CTNNA3: variants seen among roughly 807,000 people sequenced by gnomAD.
The protein encoded by CTNNA3 is catenin alpha 3, also known as catenin alpha-3.
CTNNA3 carries 76 observed loss-of-function variants against 95.7 expected under a neutral mutation model. That is an observed-to-expected ratio of 0.79 (90% CI 0.66 to 0.96). The LOEUF (loss-of-function observed/expected upper bound fraction) is 0.96, where lower values mean the gene tolerates loss of function less well. CTNNA3 is among the 40% of genes least tolerant of loss of function. The pLI is 0.00. For synonymous variants in CTNNA3, 431 were observed against 374.4 expected (o/e 1.15, Z -1.74); for missense variants, 1,191 against 1,089.8 (o/e 1.09, Z -1.31).
intron 5 of CTNNA3, among the ~76,000 whole-genome samples, chr10:67,270,947 G>A (rs1032778901): frequency 1.3e-5 from 2 of 152,108 alleles, no homozygotes; most frequent in African/African-American, 4.8e-5. Flanking sequence ...ACCTATATCA[G>A]TTTCAGAAAT....
chr10:67,469,765 TA>T (rs961756969), intron 5 of CTNNA3, among the ~76,000 whole-genome samples: 4 of 151,680 alleles, frequency 2.6e-5, no homozygotes, highest in African/African-American at 7.3e-5. Context: ...CAATAAAAAA[TA>T]AAAAAAAGAA....
At chr10:66,620,202 A>T (rs1170056835) in intron 10 of CTNNA3, among the ~76,000 whole-genome samples, 1 of 152,172 alleles carries the variant, frequency 6.6e-6, no homozygotes, top group African/African-American at 2.4e-5. Flanking sequence ...GGTGCTCCAT[A>T]ACTATATATT....
intron 11 of CTNNA3, among the ~76,000 whole-genome samples, chr10:66,465,672 C>T (rs780076538): frequency 5.9e-5 from 9 of 151,984 alleles, no homozygotes; most frequent in Non-Finnish European, 1.3e-4. Context: ...CTGGACTGAC[C>T]TGCTACAAGA....
At chr10:66,445,516 A>T (rs2093413486) in intron 11 of CTNNA3, among the ~76,000 whole-genome samples, 1 of 152,298 alleles carries the variant, frequency 6.6e-6, no homozygotes, top group East Asian at 1.9e-4. Flanking sequence ...AGGATTAAGA[A>T]ACTCACTCAA....
At chr10:67,484,243 T>C (rs898401525) in intron 5 of CTNNA3, among the ~76,000 whole-genome samples, 1 of 152,170 alleles carries the variant, frequency 6.6e-6, no homozygotes, top group South Asian at 2.1e-4. Context: ...ATTCAATAAA[T>C]AGTGCTGGGA....
intron 5 of CTNNA3, among the ~76,000 whole-genome samples, chr10:67,462,370 T>C (rs1332814339): frequency 1.3e-5 from 2 of 152,222 alleles, no homozygotes; most frequent in Admixed American, 1.3e-4. Flanking sequence ...CTTACCATCT[T>C]TGTCTTGCCT....
chr10:66,226,939 T>A (rs1445416416), intron 13 of CTNNA3, among the ~76,000 whole-genome samples: 1 of 152,096 alleles, frequency 6.6e-6, no homozygotes, highest in Non-Finnish European at 1.5e-5. Context: ...ATTTATCAGG[T>A]CTAAGATTTT....
At chr10:67,660,327 T>TG (rs1304068202) in intron 1 of CTNNA3, among the ~76,000 whole-genome samples, 2 of 152,164 alleles carry the variant, frequency 1.3e-5, no homozygotes, top group Admixed American at 1.3e-4. Flanking sequence ...ACCACCCTCC[T>TG]GCTTCTCCCC....
intron 7 of CTNNA3, among the ~76,000 whole-genome samples, chr10:66,869,194 T>A (rs981240249): frequency 6.6e-6 from 1 of 152,166 alleles, no homozygotes; most frequent in Non-Finnish European, 1.5e-5. Flanking sequence ...GTCTGCCTGA[T>A]TTATATTTTT....
chr10:67,565,417 CACAA>C lies in CTNNA3; in HGVS notation c.293-25752_293-25749del, dbSNP rs1216516341. On this transcript the variant is annotated intron_variant, in intron 3 of 17. Transcript: ENST00000433211. Reference sequence around the variant, plus strand: ...TTCACAGATAAGAAATTGTAGATGACACAAACAAATGGAAAAACATCCCATGCTC... The same window carrying C: ...TTCACAGATAAGAAATTGTAGATGACACAAATGGAAAAACATCCCATGCTC... 6.7e-5 allele frequency among the ~76,000 whole-genome samples: 9 copies of C among 133,812 alleles called. No individual in the cohort carries two copies. The East Asian group carries it at 1.9e-3, about 29-fold the overall frequency. The allele number at this position is 133,812 out of a possible 152,430, so 87.8% of individuals were successfully genotyped here.
intron 13 of CTNNA3, among the ~76,000 whole-genome samples, chr10:66,257,042 C>T (rs75452771): frequency 0.021 from 3,192 of 152,220 alleles, 38 homozygotes; most frequent in Non-Finnish European, 0.034. Flanking sequence ...CCTTATCAAT[C>T]TACCTAACAA....
chr10:67,046,666 A>G (rs1436898067), intron 7 of CTNNA3, among the ~76,000 whole-genome samples: 1 of 152,240 alleles, frequency 6.6e-6, no homozygotes, highest in African/African-American at 2.4e-5. Context: ...GAAGCATGGT[A>G]CTAGGGATAC....
chr10:66,653,593 GA>G (rs1037238566), intron 9 of CTNNA3, among the ~76,000 whole-genome samples: 3 of 151,690 alleles, frequency 2.0e-5, no homozygotes, highest in African/African-American at 4.8e-5. Context: ...CATAGCAATA[GA>G]AAAAAAATCC....
chr10:67,178,309 T>C (rs558851559), intron 7 of CTNNA3, among the ~76,000 whole-genome samples: 7 of 152,232 alleles, frequency 4.6e-5, no homozygotes, highest in African/African-American at 1.4e-4. Flanking sequence ...TAACCTTTCA[T>C]AGGTCATAGT....
At chr10:66,902,754 A>C (rs1212971136) in intron 7 of CTNNA3, among the ~76,000 whole-genome samples, 2 of 152,224 alleles carry the variant, frequency 1.3e-5, no homozygotes, top group Non-Finnish European at 2.9e-5. Flanking sequence ...TAACACCTCT[A>C]TGCAAATAAA....
intron 7 of CTNNA3, among the ~76,000 whole-genome samples, chr10:67,101,336 T>A (rs1286286137): frequency 1.3e-5 from 2 of 151,794 alleles, no homozygotes; most frequent in African/African-American, 4.8e-5. Flanking sequence ...ACATGTTCAA[T>A]TCGGAGCTAA....
At chr10:67,282,504 A>G (rs1839439304) in intron 5 of CTNNA3, among the ~76,000 whole-genome samples, 1 of 152,234 alleles carries the variant, frequency 6.6e-6, no homozygotes, top group Non-Finnish European at 1.5e-5. Context: ...ATCTAAAAAC[A>G]ATTGCTTAAC....
rs1015613560 is a variant in CTNNA3, at chr10:67,720,654, C to T, written c.-2+42780G>A. On this transcript the variant is annotated intron_variant, in intron 1 of 17. Transcript: ENST00000684154. ...GATATGAAATTCTGAGTTGAAAATT[C>T]TTTTCTTTAAGAATGTTAGCTGGGC... Among the ~76,000 whole-genome samples the T allele has an allele frequency of 3.9e-5, 6 of 152,072 alleles. No individual in the cohort carries two copies. The East Asian group carries it at 1.2e-3, about 29-fold the overall frequency.
intron 9 of CTNNA3, among the ~76,000 whole-genome samples, chr10:66,714,332 T>C (rs1176270500): frequency 1.3e-5 from 2 of 152,108 alleles, no homozygotes; most frequent in Non-Finnish European, 2.9e-5. Context: ...ATCCATTCTC[T>C]TTCTCTCTTT....
Sources: gnomAD v4.1 joint callset for allele counts (sites outside exome capture counted in the v4.1 genomes callset) on GRCh38, gnomAD v4.1.1 for gene constraint, MANE v1.5 for transcripts, NCBI Gene and HGNC (gene_info 2026-07-23, HGNC 2026-07-21) for gene names.